DAB1: variants seen among roughly 807,000 people sequenced by gnomAD.
DAB1 encodes DAB adaptor protein 1.
Under a neutral mutation model 64.6 loss-of-function variants are expected in DAB1, and 15 were observed. That is an observed-to-expected ratio of 0.23 (90% CI 0.16 to 0.36). The LOEUF (loss-of-function observed/expected upper bound fraction) is 0.36, where lower values mean the gene tolerates loss of function less well. Ranked by LOEUF, DAB1 falls within the 10% of genes least tolerant of loss-of-function variation. The pLI is 1.00. For missense variants in DAB1, 596 were observed against 706.7 expected, an observed-to-expected ratio of 0.84 and a Z score of 1.78; for synonymous variants, 235 against 251.9, an observed-to-expected ratio of 0.93 and a Z score of 0.64.
chr1:57,612,945 C>T (rs1031745262), intron 7 of DAB1, among the ~76,000 whole-genome samples: 3 of 152,082 alleles, frequency 2.0e-5, no homozygotes, highest in African/African-American at 7.2e-5. Flanking sequence ...CTACATGAGG[C>T]TAAGAGTGGC....
intron 4 of DAB1, among the ~76,000 whole-genome samples, chr1:58,222,000 A>T (rs1254257647): frequency 6.6e-6 from 1 of 152,228 alleles, no homozygotes; most frequent in Non-Finnish European, 1.5e-5. Flanking sequence ...AGAAATGAAG[A>T]AGCCATATCT....
chr1:57,168,001 C>T (rs545645309), intron 2 of DAB1, among the ~76,000 whole-genome samples: 1 of 152,272 alleles, frequency 6.6e-6, no homozygotes, highest in East Asian at 1.9e-4. Context: ...TTCTTCTTTT[C>T]CTTAAAATCC....
At chr1:57,668,678 A>G (rs1646476009) in intron 6 of DAB1, among the ~76,000 whole-genome samples, 1 of 152,138 alleles carries the variant, frequency 6.6e-6, no homozygotes, top group African/African-American at 2.4e-5. Context: ...GCCTCTTAAC[A>G]AACTTGAATC....
chr1:57,295,350 T>G (rs974449403), intron 1 of DAB1, among the ~76,000 whole-genome samples: 14 of 152,306 alleles, frequency 9.2e-5, no homozygotes, highest in Admixed American at 9.2e-4. Flanking sequence ...AAAATGTAGT[T>G]TTCCCAAAAC....
intron 7 of DAB1, among the ~76,000 whole-genome samples, chr1:57,447,409 A>G (rs779633752): frequency 1.3e-5 from 2 of 152,206 alleles, no homozygotes; most frequent in Non-Finnish European, 2.9e-5. Context: ...CCTTGTGCAG[A>G]CTTATCTCTC....
chr1:57,549,417 C>T lies in DAB1; in HGVS notation n.625+100175G>A, dbSNP rs189007267. On this transcript the variant is annotated intron_variant and non_coding_transcript_variant, in intron 7 of 20. Coordinates refer to the DAB1 transcript ENST00000485760. ...GTGAAGGAAGTTAAGAAGAATGGTA[C>T]TTGTTCTGAAATCCCTTCAAGCCGG... Among the ~76,000 whole-genome samples, 8 of 152,258 alleles carry T rather than the reference C, an allele frequency of 5.3e-5. No individual in the cohort carries two copies. In the East Asian group the frequency reaches 1.5e-3, roughly 29 times the overall value.
intron 11 of DAB1, among the ~76,000 whole-genome samples, chr1:57,018,541 G>C (rs1012591015): frequency 3.3e-5 from 5 of 152,172 alleles, no homozygotes; most frequent in African/African-American, 1.2e-4. Context: ...TTCAAGGTGT[G>C]AAAGGAGGTA....
intron 7 of DAB1, among the ~76,000 whole-genome samples, chr1:57,512,880 G>A (rs1644421373): frequency 6.6e-6 from 1 of 152,164 alleles, no homozygotes; most frequent in Admixed American, 6.5e-5. Flanking sequence ...TGCCTACTGG[G>A]GCATGACCCA....
chr1:57,915,983 C>T (rs1017896740), intron 5 of DAB1, among the ~76,000 whole-genome samples: 1 of 152,198 alleles, frequency 6.6e-6, no homozygotes, highest in South Asian at 2.1e-4. Context: ...AACTCCACTT[C>T]GTTGTTGGTT....
chr1:58,292,776 G>C (rs1661878387), intron 4 of DAB1, among the ~76,000 whole-genome samples: 1 of 152,150 alleles, frequency 6.6e-6, no homozygotes, highest in Non-Finnish European at 1.5e-5. Context: ...AAGATTGGTG[G>C]ACCATGTTGA....
chr1:58,519,745 A>T (rs542826768), intron 2 of DAB1, among the ~76,000 whole-genome samples: 9 of 152,276 alleles, frequency 5.9e-5, no homozygotes, highest in East Asian at 1.9e-4. Context: ...ATGAATTTTT[A>T]AAAAAATATA....
At chr1:57,282,211 A>C (rs1436410664) in intron 2 of DAB1, among the ~76,000 whole-genome samples, 1 of 42,574 alleles carries the variant, frequency 2.3e-5, no homozygotes, top group Admixed American at 4.3e-4. Flanking sequence ...AAAAAAAAAA[A>C]ACAGGTGACT....
At chr1:57,204,616 C>T (rs1289450218) in intron 2 of DAB1, among the ~76,000 whole-genome samples, 1 of 152,116 alleles carries the variant, frequency 6.6e-6, no homozygotes, top group Non-Finnish European at 1.5e-5. Flanking sequence ...ATAGCATGAA[C>T]TTAAAGGATG....
At chr1:58,411,191 A>G (rs549278210) in intron 3 of DAB1, among the ~76,000 whole-genome samples, 53 of 152,278 alleles carry the variant, frequency 3.5e-4, no homozygotes, top group African/African-American at 1.2e-3. Context: ...TATTTACTGG[A>G]CAGCCATGAT....
chr1:58,152,275 T>C (rs147355882), intron 4 of DAB1, among the ~76,000 whole-genome samples: 1 of 152,296 alleles, frequency 6.6e-6, no homozygotes, highest in Non-Finnish European at 1.5e-5. Context: ...TCCATGTATA[T>C]GAAGGGCTGA....
At chr1:57,992,535 G>A (rs1646360626) in intron 5 of DAB1, among the ~76,000 whole-genome samples, 1 of 152,156 alleles carries the variant, frequency 6.6e-6, no homozygotes, top group Admixed American at 6.5e-5. Context: ...CCCAAAGGAA[G>A]GTGATGAGAA....
chr1:57,772,398 G>A (rs1458496883), intron 6 of DAB1, among the ~76,000 whole-genome samples: 1 of 152,138 alleles, frequency 6.6e-6, no homozygotes, highest in Non-Finnish European at 1.5e-5. Flanking sequence ...TTCTGTTATA[G>A]CAGCTCAAAA....
At chr1:57,435,391 A>G (rs1164603517) in intron 7 of DAB1, among the ~76,000 whole-genome samples, 4 of 152,136 alleles carry the variant, frequency 2.6e-5, no homozygotes, top group Non-Finnish European at 5.9e-5. Flanking sequence ...AGCTTACTGT[A>G]ATAACTTTTT....
chr1:57,530,234 G>A (rs1157535718), intron 7 of DAB1, among the ~76,000 whole-genome samples: 2 of 152,174 alleles, frequency 1.3e-5, no homozygotes, highest in Non-Finnish European at 2.9e-5. Flanking sequence ...TGCTATCTTT[G>A]ATATGACAGC....
Sources: gnomAD v4.1 joint callset for allele counts (sites outside exome capture counted in the v4.1 genomes callset) on GRCh38, gnomAD v4.1.1 for gene constraint, MANE v1.5 for transcripts, NCBI Gene and HGNC (gene_info 2026-07-23, HGNC 2026-07-21) for gene names.